Variants in ZNF469 observed in about 807,000 individuals in gnomAD.
ZNF469 encodes the protein zinc finger protein 469.
In ZNF469, 1 loss-of-function variant was observed where a neutral mutation model predicts 1.0. The ratio of observed to expected loss-of-function variants is 1.00; its 90% CI spans 0.35 to 4.73. ZNF469 has a LOEUF of 4.73. Among genes scored for constraint, ZNF469 ranks in the 30% most tolerant of loss-of-function variants. The pLI is 0.16. For synonymous variants in ZNF469, 2,703 were observed against 2,363.4 expected (o/e 1.14, Z -4.17); for missense variants, 6,100 against 5,356.3 (o/e 1.14, Z -4.33).
At chr16:88,356,262 T>TCAGGGTC in the ZNF469 span, among the ~76,000 whole-genome samples, 1 of 151,912 alleles carries the variant, frequency 6.6e-6, no homozygotes, top group South Asian at 2.1e-4. Flanking sequence ...AGGGGAGTGG[T>TCAGGGTC]CAGGGTCCAA....
chr16:88,341,145 C>G, the ZNF469 span, among the ~76,000 whole-genome samples: 1 of 152,234 alleles, frequency 6.6e-6, no homozygotes, highest in African/African-American at 2.4e-5. Context: ...TGTCACACAT[C>G]TCTACCTATT....
chr16:88,205,608 G>A, the ZNF469 span, among the ~76,000 whole-genome samples: 1 of 152,192 alleles, frequency 6.6e-6, no homozygotes, highest in African/African-American at 2.4e-5. This position sits in a 1 kb window ranked among gnomAD's most constrained non-coding sequence, Gnocchi z 4.2. Flanking sequence ...ACACACACAA[G>A]CAAAGAGAGG....
Position 88,427,523 on chromosome 16 carries a change from T to C in ZNF469, c.53T>C (p.Leu18Pro). ...CCGCCCCCCACCATGACTGGAGACC[T>C]GCAGCCCCGCCAAGTTGCCAGCAGC... ...GAPPPTMTGD[L>P]QPRQVASSPG... The change falls in exon 3 of 3, where the codon CTG becomes CCG. Residue 18 changes from leucine (L) to proline (P), a missense_variant. Leu to Pro is a moderately conservative substitution (Grantham distance 98). Coordinates refer to ENST00000565624, the MANE Select transcript of ZNF469 (RefSeq NM_001367624.2). The C allele has an allele frequency of 1.3e-6, 2 of 1,534,890 alleles. No homozygotes were observed. The highest frequency in any genetic ancestry group is 1.7e-6 in the Non-Finnish European group (2 of 1,145,252).
chr16:88,159,539 G>T, the ZNF469 span, among the ~76,000 whole-genome samples: 1 of 152,252 alleles, frequency 6.6e-6, no homozygotes, highest in East Asian at 1.9e-4. Flanking sequence ...AGTGTGGAGC[G>T]CAGCGTACGG....
chr16:88,415,461 G>A (rs1023074637), intron 1 of ZNF469, among the ~76,000 whole-genome samples: 3 of 150,580 alleles, frequency 2.0e-5, no homozygotes, highest in African/African-American at 7.5e-5. Context: ...CCTGTGCTGC[G>A]GGGGGCAGTG....
In ZNF469 at chr16:88,415,898, G is replaced by A. The variant is rs1471548077; in HGVS notation, c.-191-8909G>A. Reference sequence around the variant, plus strand: ...ATAGTGTCCTTCCTCAAGCTGGGGCGGCAGGCACGCAGCCCGGCCCCTCCC... The same window carrying A: ...ATAGTGTCCTTCCTCAAGCTGGGGCAGCAGGCACGCAGCCCGGCCCCTCCC... On this transcript the variant is annotated intron_variant, in intron 1 of 2. Coordinates refer to ENST00000565624, the MANE Select transcript of ZNF469 (RefSeq NM_001367624.2). 1.6e-4 allele frequency among the ~76,000 whole-genome samples: 24 copies of A among 152,324 alleles called. No individual in the cohort carries two copies. The East Asian group carries it at 2.3e-3, about 15-fold the overall frequency.
Position 88,427,636 on chromosome 16 carries a change from C to T in ZNF469, c.166C>T (p.Gln56Ter). 5 of 1,537,380 alleles carry T rather than the reference C, an allele frequency of 3.3e-6. No homozygotes were observed. Among genetic ancestry groups the T allele is most frequent in the South Asian group, 1.2e-5 (1 of 84,012 alleles). The change falls in exon 3 of 3, where the codon CAG becomes TAG. Residue 56 changes from glutamine (Q) to a stop codon, truncating the protein, a stop_gained. Transcript: ENST00000565624. LOFTEE classifies it low-confidence loss of function (END_TRUNC). ...TGCCAGGGAGGCTGGCGGCCAGGCC[C>T]AGGCCATGGAGCTCCCCGAGGCCCA... is the stretch of plus-strand genomic sequence containing the variant. Reference protein sequence around the residue: ...KGAREAGGQAQAMELPEAQPR... With the variant: ...KGAREAGGQA
the ZNF469 span, among the ~76,000 whole-genome samples, chr16:88,256,951 T>TTTCTTTCTTTCTTTCTTTC: frequency 5.4e-4 from 9 of 16,710 alleles, no homozygotes; most frequent in East Asian, 1.8e-3. Context: ...TCTTTCTTTC[T>TTTCTTTCTTTCTTTCTTTC]TTTCTTTTCT....
chr16:88,414,139 C>T (rs1448235172), intron 1 of ZNF469, among the ~76,000 whole-genome samples: 7 of 152,182 alleles, frequency 4.6e-5, no homozygotes, highest in African/African-American at 1.7e-4. Flanking sequence ...CACCCTGTCA[C>T]CCTCAGGGCC....
chr16:88,389,691 C>T (rs892201860), intron 1 of ZNF469, among the ~76,000 whole-genome samples: 3 of 152,170 alleles, frequency 2.0e-5, no homozygotes, highest in South Asian at 2.1e-4. Context: ...CAGGACCACA[C>T]GACTGGGAAT....
chr16:88,286,328 A>G, the ZNF469 span, among the ~76,000 whole-genome samples: 3 of 152,256 alleles, frequency 2.0e-5, no homozygotes, highest in Non-Finnish European at 4.4e-5. Context: ...TGGGAGAGCC[A>G]CGGCCTGGCT....
the ZNF469 span, among the ~76,000 whole-genome samples, chr16:88,308,489 G>A: frequency 2.0e-5 from 3 of 152,168 alleles, no homozygotes; most frequent in East Asian, 5.8e-4. Flanking sequence ...TAAAATGAAA[G>A]GGCCAGTTCT....
the ZNF469 span, among the ~76,000 whole-genome samples, chr16:88,166,465 C>T: frequency 3.3e-5 from 5 of 152,168 alleles, no homozygotes; most frequent in Admixed American, 6.5e-5. The surrounding 1 kb of genome is among the most constrained non-coding windows in gnomAD (Gnocchi z 4.5). Flanking sequence ...ATGTACGGTT[C>T]GCTGTTTTGG....
At chr16:88,390,031 C>T (rs1904441563) in intron 1 of ZNF469, among the ~76,000 whole-genome samples, 1 of 152,220 alleles carries the variant, frequency 6.6e-6, no homozygotes, top group African/African-American at 2.4e-5. Flanking sequence ...GCACAGCCTC[C>T]TCCCAAGGGA....
Position 88,439,417 on chromosome 16 carries a change from T to C in ZNF469, c.*85T>C, listed in dbSNP as rs1200458766. 2.8e-6 allele frequency: 4 copies of C among 1,445,752 alleles called. No individual in the cohort carries two copies. In the East Asian group the frequency reaches 7.4e-5, roughly 27 times the overall value. 89.6% of individuals were successfully genotyped at this position (1,445,752 alleles called of 1,614,324 possible). On this transcript the variant is annotated 3_prime_UTR_variant, in exon 3 of 3. Transcript: ENST00000565624. ...GGCCAGCTCCGGCTCCCTGAGATGG[T>C]CCACTCTGTGGCCACTTGACTTCTT... is the stretch of plus-strand genomic sequence containing the variant.
chr16:88,246,861 A>ATGAGTG, the ZNF469 span, among the ~76,000 whole-genome samples: 26 of 136,386 alleles, frequency 1.9e-4, no homozygotes, highest in African/African-American at 7.5e-4. Context: ...GTGAATGAGC[A>ATGAGTG]AGTGAATGAG....
chr16:88,402,397 C>T (rs1599351257), intron 1 of ZNF469, among the ~76,000 whole-genome samples: 1 of 152,134 alleles, frequency 6.6e-6, no homozygotes, highest in Non-Finnish European at 1.5e-5. Context: ...CTGTGGGTAG[C>T]ACCATGGCTG....
the ZNF469 span, among the ~76,000 whole-genome samples, chr16:88,317,315 C>G: frequency 7.2e-5 from 11 of 152,258 alleles, no homozygotes; most frequent in African/African-American, 2.2e-4. Flanking sequence ...TGCCTTCTCC[C>G]CAGGGCAGAT....
At chr16:88,101,277 T>C in the ZNF469 span, among the ~76,000 whole-genome samples, 1 of 152,204 alleles carries the variant, frequency 6.6e-6, no homozygotes, top group African/African-American at 2.4e-5. Flanking sequence ...AGCATTTTGC[T>C]TTCCAGTTGA....
Sources: allele counts gnomAD v4.1 joint callset (sites outside exome capture counted in the v4.1 genomes callset), GRCh38; gene constraint gnomAD v4.1.1; non-coding constraint Gnocchi (gnomAD v3.1); transcripts MANE v1.5; gene names NCBI Gene and HGNC (gene_info 2026-07-23, HGNC 2026-07-21).